Variants in NRAP observed in about 807,000 individuals in gnomAD.
NRAP encodes the protein nebulin-related-anchoring protein.
NRAP carries 189 observed loss-of-function variants against 225.9 expected under a neutral mutation model. The ratio of observed to expected loss-of-function variants is 0.84; its 90% confidence interval spans 0.74 to 0.94. NRAP has a LOEUF of 0.94. Among genes scored for constraint, NRAP ranks in the 40% least tolerant of loss-of-function variants. The probability of loss-of-function intolerance (pLI) is 0.00; values close to 1 mark genes in which losing one functional copy is unlikely to be tolerated. For synonymous variants in NRAP, 769 were observed against 790.7 expected (o/e 0.97, Z 0.46); for missense variants, 2,176 against 2,168.7 (o/e 1.00, Z -0.07).
In NRAP at chr10:113,593,253, C is replaced by T. The variant is rs556796179; in HGVS notation, c.4537-952G>A. 7.2e-5 allele frequency among the ~76,000 whole-genome samples: 11 copies of T among 152,234 alleles called. No individual in the cohort carries two copies. The East Asian group carries it at 1.2e-3, about 16-fold the overall frequency. On this transcript the variant is annotated intron_variant, in intron 38 of 41. Transcript: ENST00000359988. ...AGCAGGTCAGGGGGCCCTTAAGAACCGTCCTTTTGTCTCCTGGAAATGGAG... is the reference window on the plus strand; with the variant it reads ...AGCAGGTCAGGGGGCCCTTAAGAACTGTCCTTTTGTCTCCTGGAAATGGAG...
intron 12 of NRAP, 53 bp from the exon 13 acceptor site, chr10:113,641,525 A>T: frequency 9.6e-7 from 1 of 1,045,866 alleles, no homozygotes; most frequent in East Asian, 2.4e-5. Flanking sequence ...CAAGTAGTTG[A>T]AGATAAACTA....
At chr10:113,620,210 C>A (rs1205268637) in intron 25 of NRAP, among the ~76,000 whole-genome samples, 2 of 152,122 alleles carry the variant, frequency 1.3e-5, no homozygotes, top group Non-Finnish European at 2.9e-5. Context: ...CGTGAATATT[C>A]AAAAACTGTT....
At chr10:113,649,389 C>T (rs1849796052) in intron 9 of NRAP, among the ~76,000 whole-genome samples, 1 of 152,212 alleles carries the variant, frequency 6.6e-6, no homozygotes, top group Non-Finnish European at 1.5e-5. Flanking sequence ...ACTTGCTCTT[C>T]CAATGTTCTT....
intron 9 of NRAP, 22 bp downstream of exon 9, chr10:113,650,015 A>G (rs1299903038): frequency 6.7e-6 from 9 of 1,343,146 alleles, no homozygotes; most frequent in Non-Finnish European, 6.4e-6. Context: ...AGAGCAGGTC[A>G]GGAGATCATT....
At position 113,648,465 on chromosome 10, in the gene NRAP, C is replaced by CTATA. The variant is rs1326507151; in HGVS notation, c.889-1439_889-1438insTATA. Among the ~76,000 whole-genome samples, 269 of 105,214 alleles carry CTATA rather than the reference C, an allele frequency of 2.6e-3. 1 individual carries two copies. The highest frequency in any genetic ancestry group is 7.0e-3 in the African/African-American group (193 of 27,566). The allele number at this position is 105,214 out of a possible 152,430, so 69.0% of individuals were successfully genotyped here. A position where few individuals can be genotyped will look rare whatever the true frequency, so the allele number is the denominator to read the frequency against. ...TCTCTCTCTCTCTCTCTCTCTCTCT[C>CTATA]TCTATATATATATATATATATATAT... On this transcript the variant is annotated intron_variant, in intron 9 of 41. Transcript: ENST00000359988.
chr10:113,633,534 C>G (rs566289011), intron 15 of NRAP, among the ~76,000 whole-genome samples: 1 of 152,178 alleles, frequency 6.6e-6, no homozygotes, highest in South Asian at 2.1e-4. Flanking sequence ...TTATCAAATG[C>G]CTGCCCACAA....
chr10:113,619,294 G>A (rs1847852012), intron 25 of NRAP, among the ~76,000 whole-genome samples: 2 of 152,092 alleles, frequency 1.3e-5, no homozygotes, highest in African/African-American at 2.4e-5. Context: ...GAGAGTTTGG[G>A]ATCATGAATC....
intron 20 of NRAP, among the ~76,000 whole-genome samples, chr10:113,626,394 C>T (rs185977224): frequency 1.3e-5 from 2 of 152,152 alleles, no homozygotes; most frequent in African/African-American, 2.4e-5. Flanking sequence ...TGTATTTCAC[C>T]GTGTGCCCTG....
In NRAP at chr10:113,629,581, G is replaced by A. The variant is rs889350851; in HGVS notation, c.2040+7C>T. On this transcript the variant is annotated splice_region_variant and intron_variant, in intron 19 of 41. Coordinates refer to ENST00000359988, the MANE Select transcript of NRAP (RefSeq NM_198060.4). ...GCATGAAGAGAACTGATAATGTGTG[G>A]GCTCACCTCGCTCTGGAGCCCATAG... 5 of 1,590,932 alleles carry A rather than the reference G, an allele frequency of 3.1e-6. No individual in the cohort carries two copies. In the African/African-American group the frequency reaches 5.4e-5, roughly 17 times the overall value.
chr10:113,631,854 T>C lies in NRAP; in HGVS notation c.1740+3A>G, dbSNP rs775236174. 1 of 1,585,844 alleles carries C rather than the reference T, an allele frequency of 6.3e-7. No homozygotes were observed. The highest frequency in any genetic ancestry group is 8.7e-7 in the Non-Finnish European group (1 of 1,154,282). The stretch of plus-strand genomic sequence containing the variant: ...ATTCCTGAGTTAATGAGAGGAAACG[T>C]ACATTGCTAGCAAGCTCCCCAGAGG... On this transcript the variant is annotated splice_donor_region_variant and intron_variant, in intron 17 of 41. Transcript: ENST00000359988.
intron 35 of NRAP, among the ~76,000 whole-genome samples, chr10:113,603,447 G>A (rs1217412857): frequency 1.3e-5 from 2 of 152,056 alleles, no homozygotes; most frequent in Admixed American, 6.5e-5. Flanking sequence ...AGAGCAGGAT[G>A]GTTAAGAATG....
rs1465189029 is a variant in NRAP at position 113,612,407 on chromosome 10, G to T, written c.3325C>A (p.His1109Asn). ...GGCAGATGGAACTGCGCCTTTGAGT[G>T]TTCAAAGCCTTTCTTGTAATTCACC... is the stretch of plus-strand genomic sequence containing the variant. ...SDVNYKKGFE[H>N]SKAQFHLPLD... The change falls in exon 30 of 42, where the codon CAC becomes AAC. Residue 1109 changes from histidine to asparagine, a missense_variant. Physicochemically the swap from His to Asn is moderately conservative, Grantham distance 68 (BLOSUM62 1). This residue lies in a region of NRAP where 1,708 missense variants were observed against 1,695.5 expected (regional missense o/e 1.01). Transcript: ENST00000359988. The T allele has an allele frequency of 3.7e-6, 6 of 1,614,062 alleles. No individual in the cohort carries two copies. Among genetic ancestry groups the T allele is most frequent in the Non-Finnish European group, 5.1e-6 (6 of 1,179,952 alleles).
At chr10:113,663,245 T>C (rs932571581) in intron 2 of NRAP, 107 bp downstream of exon 2, 7 of 698,628 alleles carry the variant, frequency 1.0e-5, no homozygotes, top group African/African-American at 8.8e-5. Context: ...TGGGAGAAGA[T>C]ATTTCTTGGA....
intron 4 of NRAP, among the ~76,000 whole-genome samples, chr10:113,655,402 A>T (rs571258566): frequency 2.0e-5 from 3 of 151,842 alleles, no homozygotes; most frequent in South Asian, 4.2e-4. Context: ...TAGAAAAAAA[A>T]TTTTGGAATA....
chr10:113,650,485 T>G lies in NRAP; in HGVS notation c.736A>C (p.Thr246Pro), dbSNP rs1233418929. 2.5e-6 allele frequency: 4 copies of G among 1,613,846 alleles called. No homozygotes were observed. The highest frequency in any genetic ancestry group is 3.4e-6 in the Non-Finnish European group (4 of 1,179,916). ...CTTTTGGCTATCTGATAGGCGGGTGTGATCATCGCAGGGAAACTGCCTTTC... is the reference window on the plus strand; with the variant it reads ...CTTTTGGCTATCTGATAGGCGGGTGGGATCATCGCAGGGAAACTGCCTTTC... ...RGKGSFPAMI[T>P]PAYQIAKRAN... The change falls in exon 8 of 42, where the codon ACA becomes CCA. Residue 246 changes from threonine (T) to proline (P), a missense_variant. By Grantham distance (38) the Thr-to-Pro change is conservative (BLOSUM62 -1). This residue lies in a region of NRAP where 1,708 missense variants were observed against 1,695.5 expected (regional missense o/e 1.01). Transcript: ENST00000359988.
In NRAP at chr10:113,634,175, G is replaced by A; in HGVS notation, c.1464C>T (p.Tyr488=). 2 of 1,613,712 alleles carry A rather than the reference G, an allele frequency of 1.2e-6. No individual in the cohort carries two copies. The highest frequency in any genetic ancestry group is 1.3e-5 in the African/African-American group (1 of 75,028). ...TCTGTGGGGTGTCAGTCACCGAGCTGTACTTCAACTTGTCGATGCTCTGCC... is the reference window on the plus strand; with the variant it reads ...TCTGTGGGGTGTCAGTCACCGAGCTATACTTCAACTTGTCGATGCTCTGCC... The part of the protein sequence containing the change: ...NYRQSIDKLK[Y]SSVTDTPQIV... The change falls in exon 15 of 42, where the codon TAC becomes TAT. Residue 488 remains tyrosine (Y), a synonymous_variant. Coordinates refer to ENST00000359988, the MANE Select transcript of NRAP (RefSeq NM_198060.4).
intron 34 of NRAP, 97 bp downstream of exon 34, chr10:113,605,665 T>A (rs1169550446): frequency 2.5e-6 from 2 of 795,000 alleles, no homozygotes; most frequent in Non-Finnish European, 4.4e-6. Context: ...CACATGGTTA[T>A]AGATTTGCTT....
chr10:113,640,108 C>T, intron 14 of NRAP, 119 bp downstream of exon 14: 1 of 585,384 alleles, frequency 1.7e-6, no homozygotes, highest in South Asian at 2.6e-5. Context: ...TTCCTCAATC[C>T]CTTCAACCTC....
Position 113,663,928 on chromosome 10 carries a change from A to G in NRAP, c.-46T>C. Reference sequence around the variant, plus strand: ...GACAAAGATAGGCAACAGGCAAGAAATGCAAGGAGAACCCCCAGTCTAGTT... The same window carrying G: ...GACAAAGATAGGCAACAGGCAAGAAGTGCAAGGAGAACCCCCAGTCTAGTT... On this transcript the variant is annotated 5_prime_UTR_variant, in exon 1 of 42. Transcript: ENST00000359988. 1 of 1,428,972 alleles carries G rather than the reference A, an allele frequency of 7.0e-7. No individual in the cohort carries two copies. The highest frequency in any genetic ancestry group is 1.4e-5 in the African/African-American group (1 of 71,092). The allele number at this position is 1,428,972 out of a possible 1,614,324, so 88.5% of individuals were successfully genotyped here. A position where few individuals can be genotyped will look rare whatever the true frequency, so the allele number is the denominator to read the frequency against.
Sources: gnomAD v4.1 joint callset for allele counts (sites outside exome capture counted in the v4.1 genomes callset) on GRCh38, gnomAD v4.1.1 for gene constraint, gnomAD v4.1.1 regional missense constraint, MANE v1.5 for transcripts, NCBI Gene and HGNC (gene_info 2026-07-23, HGNC 2026-07-21) for gene names.